CEP85: variants seen among roughly 807,000 people sequenced by gnomAD.
CEP85 encodes centrosomal protein of 85 kDa.
In CEP85, 58 loss-of-function variants were observed where a neutral mutation model predicts 93.7. The ratio of observed to expected loss-of-function variants is 0.62; its 90% CI spans 0.50 to 0.77. The LOEUF (loss-of-function observed/expected upper bound fraction) is 0.77. Among genes scored for constraint, CEP85 ranks in the 30% least tolerant of loss-of-function variants. The pLI, the probability that CEP85 is intolerant of heterozygous loss-of-function variation, is 0.00. For synonymous variants in CEP85, 314 were observed against 338.6 expected, an observed-to-expected ratio of 0.93 and a Z score of 0.80; for missense variants, 868 against 922.0, an observed-to-expected ratio of 0.94 and a Z score of 0.76.
intron 5 of CEP85, 125 bp from the exon 6 acceptor site, chr1:26,258,018 C>A: frequency 1.3e-6 from 1 of 753,848 alleles, no homozygotes; most frequent in Non-Finnish European, 2.3e-6. Context: ...GTTCTTCTTC[C>A]TTCAGAAAAT....
chr1:26,272,398 G>C, intron 11 of CEP85: 1 of 310,418 alleles, frequency 3.2e-6, no homozygotes, highest in East Asian at 5.8e-5. Flanking sequence ...GAGCTGGATA[G>C]GATGTGTTGG....
chr1:26,266,259 A>C lies in CEP85; in HGVS notation c.1342-2224A>C, dbSNP rs114070236. On this transcript the variant is annotated intron_variant, in intron 7 of 13. Transcript: ENST00000451429. ...AAATATTAGCTGGGCATGGTGGTAC[A>C]CGCTTGTAGTCTAAGCTACTGAGAG... Among the ~76,000 whole-genome samples, 269 of 152,246 alleles carry C rather than the reference A, an allele frequency of 1.8e-3. 1 individual carries two copies. Among genetic ancestry groups the C allele is most frequent in the African/African-American group, 5.9e-3 (246 of 41,560 alleles).
chr1:26,234,710 A>C (rs990824741), intron 1 of CEP85, among the ~76,000 whole-genome samples: 2 of 152,200 alleles, frequency 1.3e-5, no homozygotes, highest in African/African-American at 4.8e-5. Context: ...GCAAAACAGA[A>C]GGCGCGGATC....
At chr1:26,257,396 C>T (rs562120617) in intron 4 of CEP85, among the ~76,000 whole-genome samples, 1 of 152,234 alleles carries the variant, frequency 6.6e-6, no homozygotes, top group South Asian at 2.1e-4. Context: ...CCTTTTTGAA[C>T]AGGGAGTGTT....
At chr1:26,247,478 G>A (rs906957219) in intron 3 of CEP85, among the ~76,000 whole-genome samples, 1 of 151,572 alleles carries the variant, frequency 6.6e-6, no homozygotes, top group Admixed American at 6.6e-5. Context: ...TGTACCTATA[G>A]TCCCAGCTGC....
intron 7 of CEP85, among the ~76,000 whole-genome samples, chr1:26,264,682 ACTCT>A (rs1197764325): frequency 6.6e-6 from 1 of 152,036 alleles, no homozygotes; most frequent in Non-Finnish European, 1.5e-5. Context: ...GTCTTCTCTC[ACTCT>A]CTCTAGGGAA....
intron 2 of CEP85, among the ~76,000 whole-genome samples, chr1:26,242,790 G>GTTTT (rs968637542): frequency 3.9e-4 from 16 of 40,946 alleles, no homozygotes; most frequent in African/African-American, 5.3e-4. Flanking sequence ...GCTGCCATTA[G>GTTTT]TTTTTTTGTT....
intron 7 of CEP85, among the ~76,000 whole-genome samples, chr1:26,266,107 G>A (rs1409850993): frequency 1.3e-5 from 2 of 152,042 alleles, no homozygotes. Flanking sequence ...TCCTCGGGAG[G>A]CTGAGGCAGG....
intron 7 of CEP85, among the ~76,000 whole-genome samples, chr1:26,264,075 T>A (rs1302751839): frequency 6.6e-6 from 1 of 152,238 alleles, no homozygotes; most frequent in African/African-American, 2.4e-5. Flanking sequence ...CATCTGTTTT[T>A]GTTTCATGGG....
chr1:26,248,172 CTG>C (rs386629726), intron 3 of CEP85, among the ~76,000 whole-genome samples: 2 of 149,334 alleles, frequency 1.3e-5, no homozygotes, highest in South Asian at 2.1e-4. Context: ...GGTCTCCTGA[CTG>C]TGTAATATTC....
intron 7 of CEP85, among the ~76,000 whole-genome samples, chr1:26,261,480 T>C (rs553181574): frequency 6.6e-6 from 1 of 152,006 alleles, no homozygotes; most frequent in Admixed American, 6.6e-5. Flanking sequence ...CTCAAAAAAA[T>C]AAAAGAAAGT....
chr1:26,250,925 CTTTTTTCTTTTTTTTTTTTTTTTTTTTT>C (rs2089600102), intron 3 of CEP85, among the ~76,000 whole-genome samples: 1 of 55,160 alleles, frequency 1.8e-5, no homozygotes. Flanking sequence ...TTTTTTTTTT[CTTTTTTCTTTTTTTTTTTTTTTTTTTTT>C]TTTTTGAGAC....
chr1:26,246,845 T>C (rs1339394163), intron 3 of CEP85, among the ~76,000 whole-genome samples: 1 of 151,588 alleles, frequency 6.6e-6, no homozygotes, highest in Non-Finnish European at 1.5e-5. Context: ...GAAAATAAAA[T>C]GAAATAACCA....
chr1:26,252,959 T>G (rs1302957571), intron 3 of CEP85, among the ~76,000 whole-genome samples: 2 of 151,984 alleles, frequency 1.3e-5, no homozygotes, highest in Non-Finnish European at 2.9e-5. Flanking sequence ...TGTGTCGAGG[T>G]TTTTTTTAGC....
Position 26,272,069 on chromosome 1 carries a change from C to A in CEP85, c.1792C>A (p.Gln598Lys), listed in dbSNP as rs760649539. The A allele has an allele frequency of 3.5e-5, 56 of 1,613,610 alleles. No homozygotes were observed. Among genetic ancestry groups the A allele is most frequent in the Admixed American group, 5.0e-5 (3 of 59,964 alleles). The change falls in exon 11 of 14, where the codon CAG (glutamine) becomes AAG (lysine). Residue 598 changes from glutamine to lysine, a missense_variant and splice_region_variant. Physicochemically the swap from Gln to Lys is moderately conservative, Grantham distance 53. Coordinates refer to ENST00000451429, the MANE Select transcript of CEP85 (RefSeq NM_001319944.2). The stretch of plus-strand genomic sequence containing the variant: ...GATGGATCAGTTGCGCTCACAAGTA[C>A]AGGTGAGCAGGAATCCTTGGGACAT... ...QKMDQLRSQV[Q>K]SLEQEVAQEE...
In CEP85 at chr1:26,241,781, A is replaced by T. The variant is rs566946971; in HGVS notation, c.55+1943A>T. Among the ~76,000 whole-genome samples the T allele has an allele frequency of 2.3e-4, 34 of 148,366 alleles. 1 individual carries two copies. In the South Asian group the frequency reaches 3.6e-3, roughly 16 times the overall value. The stretch of plus-strand genomic sequence containing the variant: ...TTCAGCTTTTCTTTTTTTTTTTTGG[A>T]GACGGAGTCTTGTTCTGTGGCCCAG... On this transcript the variant is annotated intron_variant, in intron 2 of 13. Transcript: ENST00000451429.
In CEP85 at chr1:26,239,884, G is replaced by GT. The variant is rs545228449; in HGVS notation, c.55+52dup. On this transcript the variant is annotated intron_variant, in intron 2 of 13. Coordinates refer to ENST00000451429, the MANE Select transcript of CEP85 (RefSeq NM_001319944.2). ...TGGGTTAAATTCTGACCTTTGTTCT[G>GT]TTTTTTCATATTCCTTAAGGTAAAT... The GT allele has an allele frequency of 7.7e-5, 107 of 1,383,502 alleles. No homozygotes were observed. In the South Asian group the frequency reaches 1.0e-3, roughly 14 times the overall value. The allele number at this position is 1,383,502 out of a possible 1,614,324, so 85.7% of individuals were successfully genotyped here.
chr1:26,259,490 G>A, intron 6 of CEP85, 127 bp from the exon 7 acceptor site: 1 of 886,038 alleles, frequency 1.1e-6, no homozygotes, highest in Non-Finnish European at 1.7e-6. Context: ...AGACCTAGTT[G>A]AGAACCACTT....
intron 3 of CEP85, among the ~76,000 whole-genome samples, chr1:26,247,731 T>G (rs2089533010): frequency 6.6e-6 from 1 of 152,198 alleles, no homozygotes; most frequent in Non-Finnish European, 1.5e-5. Context: ...AGCCTTGAAC[T>G]CCTGGGCTCA....
Sources: allele counts gnomAD v4.1 joint callset (sites outside exome capture counted in the v4.1 genomes callset), GRCh38; gene constraint gnomAD v4.1.1; transcripts MANE v1.5; gene names NCBI Gene and HGNC (gene_info 2026-07-23, HGNC 2026-07-21).